Variants in ZPLD1 observed in about 807,000 individuals in gnomAD.
ZPLD1 encodes zona pellucida like domain containing 1.
In ZPLD1, 34 loss-of-function variants were observed where a neutral mutation model predicts 47.2. That is an observed-to-expected ratio of 0.72 (90% CI 0.55 to 0.96). The LOEUF is 0.96. Among genes scored for constraint, ZPLD1 ranks in the 40% least tolerant of loss-of-function variants. ZPLD1 has a pLI of 0.00. For synonymous variants in ZPLD1, 176 were observed against 186.2 expected (o/e 0.95, Z 0.45); for missense variants, 512 against 505.8 (o/e 1.01, Z -0.12).
chr3:102,430,834 C>G (rs1227596270), upstream of ZPLD1, among the ~76,000 whole-genome samples: 1 of 151,964 alleles, frequency 6.6e-6, no homozygotes, highest in Admixed American at 6.6e-5. Context: ...TGTAATAATA[C>G]CAATAGTCAA....
In ZPLD1 at chr3:102,477,787, T is replaced by C; in HGVS notation, c.*169T>C. ...ATGATAGTGAAAGAAGTTTATTATA[T>C]TGCTATTGTCACTTATGTACGTGGC... On this transcript the variant is annotated 3_prime_UTR_variant, in exon 12 of 12. Transcript: ENST00000466937. 1.7e-6 allele frequency: 1 copy of C among 574,226 alleles called. No individual in the cohort carries two copies. Among genetic ancestry groups the C allele is most frequent in the Non-Finnish European group, 2.8e-6 (1 of 361,030 alleles). The allele number at this position is 574,226 out of a possible 1,614,324, so 35.6% of individuals were successfully genotyped here.
intron 7 of ZPLD1, among the ~76,000 whole-genome samples, chr3:102,406,458 G>T (rs1301325220): frequency 6.6e-6 from 1 of 151,832 alleles, no homozygotes; most frequent in African/African-American, 2.4e-5. Flanking sequence ...ATCTTCTATT[G>T]CTTATAGTTT....
chr3:102,398,173 A>AT (rs958222971), intron 7 of ZPLD1, among the ~76,000 whole-genome samples: 33 of 151,994 alleles, frequency 2.2e-4, no homozygotes, highest in East Asian at 1.9e-3. Flanking sequence ...AAGGAAGGGG[A>AT]TTTTTTTTGA....
At chr3:102,450,678 T>C (rs572000898) in intron 3 of ZPLD1, among the ~76,000 whole-genome samples, 8 of 152,144 alleles carry the variant, frequency 5.3e-5, no homozygotes, top group East Asian at 1.9e-4. Flanking sequence ...GCTGTACTAA[T>C]TGAAGGACAT....
At chr3:102,406,790 G>A (rs1341955439) in intron 7 of ZPLD1, among the ~76,000 whole-genome samples, 2 of 151,906 alleles carry the variant, frequency 1.3e-5, no homozygotes, top group Non-Finnish European at 2.9e-5. Context: ...ATCCACTGCT[G>A]TAATTCAGAG....
In ZPLD1 at chr3:102,425,734, G is replaced by T. The variant is rs79677420; in HGVS notation, c.-9+7527G>T. On this transcript the variant is annotated intron_variant, in intron 8 of 17. Coordinates refer to the ZPLD1 transcript ENST00000491959. ...TCTTAGATTATGTTCATCTCATCCG[G>T]GACACAAAAGCGTGTTAACTTCTTA... is the stretch of plus-strand genomic sequence containing the variant. Among the ~76,000 whole-genome samples, 9 of 151,770 alleles carry T rather than the reference G, an allele frequency of 5.9e-5. No individual in the cohort carries two copies. The South Asian group carries it at 1.7e-3, about 28-fold the overall frequency.
At chr3:102,391,871 C>T (rs1419776908) in intron 6 of ZPLD1, among the ~76,000 whole-genome samples, 7 of 152,116 alleles carry the variant, frequency 4.6e-5, no homozygotes, top group South Asian at 2.1e-4. Flanking sequence ...GTTTTCCATT[C>T]CTCTGTAACA....
chr3:102,403,914 G>A (rs188551143), intron 7 of ZPLD1, among the ~76,000 whole-genome samples: 1 of 152,092 alleles, frequency 6.6e-6, no homozygotes, highest in East Asian at 1.9e-4. Context: ...ATGTATCAGA[G>A]ATATTCACAG....
upstream of ZPLD1, among the ~76,000 whole-genome samples, chr3:102,434,016 T>C (rs1707051100): frequency 6.6e-6 from 1 of 152,182 alleles, no homozygotes; most frequent in South Asian, 2.1e-4. Context: ...AAACCTCCAA[T>C]CAAGTCAAAG....
chr3:102,401,253 G>C (rs954999356), intron 7 of ZPLD1, among the ~76,000 whole-genome samples: 1 of 152,012 alleles, frequency 6.6e-6, no homozygotes, highest in Non-Finnish European at 1.5e-5. Context: ...ACATATATAT[G>C]TATGTGTGTG....
At chr3:102,464,394 T>C in intron 8 of ZPLD1, 143 bp downstream of exon 8, 1 of 570,656 alleles carries the variant, frequency 1.8e-6, no homozygotes, top group Non-Finnish European at 3.0e-6. Flanking sequence ...TTTGAGTCCT[T>C]ATAAAGCTGA....
At chr3:102,391,450 A>G (rs1389087727) in intron 6 of ZPLD1, among the ~76,000 whole-genome samples, 1 of 152,054 alleles carries the variant, frequency 6.6e-6, no homozygotes, top group African/African-American at 2.4e-5. Context: ...TGAGATTGTG[A>G]TAATAGCAGA....
At chr3:102,388,451 C>CTGTG (rs756864508) in intron 6 of ZPLD1, among the ~76,000 whole-genome samples, 1 of 131,982 alleles carries the variant, frequency 7.6e-6, no homozygotes, top group East Asian at 2.0e-4. Flanking sequence ...CTCTCTCTCT[C>CTGTG]TGTCTGTGTG....
chr3:102,472,067 A>T (rs1013793600), intron 10 of ZPLD1, among the ~76,000 whole-genome samples: 1 of 152,196 alleles, frequency 6.6e-6, no homozygotes, highest in Non-Finnish European at 1.5e-5. Flanking sequence ...TGGCCCAAAA[A>T]ATTCAGACAA....
chr3:102,454,753 G>A (rs949152699), intron 4 of ZPLD1, among the ~76,000 whole-genome samples: 4 of 152,158 alleles, frequency 2.6e-5, no homozygotes, highest in Non-Finnish European at 5.9e-5. Flanking sequence ...CTACTTGGGA[G>A]GCTGAGGCAG....
At chr3:102,430,340 A>G (rs1457611405), upstream of ZPLD1, among the ~76,000 whole-genome samples, 1 of 152,210 alleles carries the variant, frequency 6.6e-6, no homozygotes, top group Non-Finnish European at 1.5e-5. Context: ...TGCCATCTAA[A>G]TTAGGATCTA....
chr3:102,414,728 A>G (rs1279954322), intron 7 of ZPLD1, among the ~76,000 whole-genome samples: 1 of 151,882 alleles, frequency 6.6e-6, no homozygotes, highest in Non-Finnish European at 1.5e-5. Context: ...TCGAGAATGT[A>G]TCAGTAAATC....
At chr3:102,430,605 A>T (rs1257839282), upstream of ZPLD1, among the ~76,000 whole-genome samples, 1 of 152,192 alleles carries the variant, frequency 6.6e-6, no homozygotes, top group Non-Finnish European at 1.5e-5. Context: ...TAGGAAAAAG[A>T]GCTGTTTTAT....
intron 7 of ZPLD1, among the ~76,000 whole-genome samples, chr3:102,406,127 C>T (rs894890594): frequency 2.0e-5 from 3 of 151,928 alleles, no homozygotes; most frequent in African/African-American, 7.2e-5. Context: ...TACAGTTGTA[C>T]ACTAAGGATC....
Sources: allele counts gnomAD v4.1 joint callset (sites outside exome capture counted in the v4.1 genomes callset), GRCh38; gene constraint gnomAD v4.1.1; transcripts MANE v1.5; gene names NCBI Gene and HGNC (gene_info 2026-07-23, HGNC 2026-07-21).